AURKA: variants seen among roughly 807,000 people sequenced by gnomAD.
AURKA encodes aurora kinase A.
A neutral mutation model predicts 40.9 loss-of-function variants in AURKA; 12 were observed. That is an observed-to-expected ratio of 0.29 (90% CI 0.19 to 0.48). The LOEUF (loss-of-function observed/expected upper bound fraction) is 0.48. Among genes scored for constraint, AURKA ranks in the 20% least tolerant of loss-of-function variants. The pLI is 0.99. For synonymous variants in AURKA, 170 were observed against 164.3 expected (o/e 1.03, Z -0.26); for missense variants, 322 against 462.1 (o/e 0.70, Z 2.78).
At position 56,380,246 on chromosome 20, in the gene AURKA, T is replaced by C. The variant is rs543889726; in HGVS notation, c.705+1187A>G. ...GGTGGGTGCCTGTACTTCCAGCTACTTGGGAGGCTGAGGCAGAAGAATCGC... is the reference window on the plus strand; with the variant it reads ...GGTGGGTGCCTGTACTTCCAGCTACCTGGGAGGCTGAGGCAGAAGAATCGC... On this transcript the variant is annotated intron_variant, in intron 6 of 8. Coordinates refer to ENST00000395915, the MANE Select transcript of AURKA (RefSeq NM_198437.3). 2.1e-3 allele frequency among the ~76,000 whole-genome samples: 316 copies of C among 150,912 alleles called. 3 individuals are homozygous for C. The highest frequency in any genetic ancestry group is 3.9e-3 in the Non-Finnish European group (261 of 67,766).
At chr20:56,374,804 T>G (rs1385004911) in intron 6 of AURKA, among the ~76,000 whole-genome samples, 1 of 152,256 alleles carries the variant, frequency 6.6e-6, no homozygotes, top group African/African-American at 2.4e-5. Context: ...TCCCAGCACT[T>G]TGGGAGGCCA....
Position 56,386,494 on chromosome 20 carries a change from T to C in AURKA, c.82A>G (p.Thr28Ala). ...GGATTCTGACAAGGAAATTGCTGAG[T>C]CACGAGAACACGTTTTGGACCTCCA... ...PVGGPKRVLV[T>A]QQFPCQNPLP... Residue 28 changes from threonine (T) to alanine (A), a missense_variant, in exon 3 of 9, where the codon ACT (threonine) becomes GCT (alanine). Coordinates refer to ENST00000395915, the MANE Select transcript of AURKA (RefSeq NM_198437.3). 1.2e-6 allele frequency: 2 copies of C among 1,614,170 alleles called. No individual in the cohort carries two copies. The highest frequency in any genetic ancestry group is 1.7e-6 in the Non-Finnish European group (2 of 1,180,026).
At chr20:56,377,241 C>T (rs1322005646) in intron 6 of AURKA, among the ~76,000 whole-genome samples, 5 of 152,200 alleles carry the variant, frequency 3.3e-5, no homozygotes, top group Non-Finnish European at 2.9e-5. Flanking sequence ...CGCACCACTG[C>T]ACCCCAGCCT....
intron 3 of AURKA, among the ~76,000 whole-genome samples, chr20:56,385,124 C>T (rs992259611): frequency 6.6e-6 from 1 of 152,198 alleles, no homozygotes; most frequent in African/African-American, 2.4e-5. Context: ...AATGAGTCTG[C>T]ATCGTAAATG....
Position 56,370,064 on chromosome 20 carries a change from G to A in AURKA, c.*94C>T, listed in dbSNP as rs1983901513. On this transcript the variant is annotated 3_prime_UTR_variant, in exon 9 of 9. Coordinates refer to ENST00000395915, the MANE Select transcript of AURKA (RefSeq NM_198437.3). ...TTTCTTGTGTAGCGTTCTAGATTGA[G>A]GGCAGCAGTCAATGGTAAAATAAAC... is the stretch of plus-strand genomic sequence containing the variant. The A allele has an allele frequency of 6.8e-7, 1 of 1,461,004 alleles. No individual in the cohort carries two copies. Among genetic ancestry groups the A allele is most frequent in the Non-Finnish European group, 9.6e-7 (1 of 1,044,414 alleles). The allele number at this position is 1,461,004 out of a possible 1,614,324, so 90.5% of individuals were successfully genotyped here.
At chr20:56,377,423 CA>C (rs747877845) in intron 6 of AURKA, among the ~76,000 whole-genome samples, 83 of 144,094 alleles carry the variant, frequency 5.8e-4, no homozygotes, top group Admixed American at 2.2e-3. Context: ...ACTCAAAACT[CA>C]AAAAAAAAAA....
chr20:56,371,451 ACT>A (rs1218132205), intron 7 of AURKA, among the ~76,000 whole-genome samples: 2 of 146,116 alleles, frequency 1.4e-5, no homozygotes, highest in East Asian at 2.2e-4. Context: ...ACAGAGCGAG[ACT>A]CTGTCTCAAA....
Position 56,386,328 on chromosome 20 carries a change from C to T in AURKA, c.248G>A (p.Ser83Asn). ...NQKQKQLQAT[S>N]VPHPVSRPLN... ...TGGCCTGGAGACAGGATGAGGTACA[C>T]TGGTTGCCTGCAATTGCTTCTGCTT... Residue 83 changes from serine (S) to asparagine (N), a missense_variant, in exon 3 of 9, where the codon AGT becomes AAT. Coordinates refer to ENST00000395915, the MANE Select transcript of AURKA (RefSeq NM_198437.3). The T allele has an allele frequency of 3.1e-6, 5 of 1,614,212 alleles. No individual in the cohort carries two copies. Among genetic ancestry groups the T allele is most frequent in the Non-Finnish European group, 4.2e-6 (5 of 1,180,036 alleles).
chr20:56,374,853 G>T (rs1342659473), intron 6 of AURKA, among the ~76,000 whole-genome samples: 1 of 152,150 alleles, frequency 6.6e-6, no homozygotes, highest in Non-Finnish European at 1.5e-5. Flanking sequence ...TTCGAGACCG[G>T]CCTGACCAAC....
intron 7 of AURKA, among the ~76,000 whole-genome samples, chr20:56,371,251 A>G (rs1216670945): frequency 6.6e-6 from 1 of 152,118 alleles, no homozygotes; most frequent in Non-Finnish European, 1.5e-5. Context: ...TCACGAGGTC[A>G]GGAGATCGAG....
intron 7 of AURKA, among the ~76,000 whole-genome samples, chr20:56,371,998 G>T (rs555740055): frequency 6.6e-6 from 1 of 152,218 alleles, no homozygotes; most frequent in Non-Finnish European, 1.5e-5. Flanking sequence ...GCACTGTATA[G>T]ACAGGTATGC....
rs776745249 is a variant in AURKA, at chr20:56,386,208, C to G, written c.319+49G>C. ...CAAGTATATACACTGGCTTTTTTAG[C>G]AACGACGACAAAGAAGGACTATCCA... On this transcript the variant is annotated intron_variant, in intron 3 of 8. Transcript: ENST00000395915. The G allele has an allele frequency of 4.3e-6, 7 of 1,611,562 alleles. No individual in the cohort carries two copies. In the East Asian group the frequency reaches 1.6e-4, roughly 36 times the overall value.
chr20:56,387,543 G>C (rs1342120778), intron 2 of AURKA, among the ~76,000 whole-genome samples: 2 of 152,192 alleles, frequency 1.3e-5, no homozygotes, highest in African/African-American at 2.4e-5. Flanking sequence ...CAAACTAAAA[G>C]GGGTAGGAGG....
rs773030955 is a variant in AURKA at position 56,388,213 on chromosome 20, A to T, written c.-5-11T>A. On this transcript the variant is annotated splice_polypyrimidine_tract_variant and intron_variant, in intron 1 of 8. Transcript: ENST00000395915. ...ATCGGTCCATGATGCCTGAAAAGAA[A>T]AAGAAGAACCTTTAATTTGAACAAA... is the stretch of plus-strand genomic sequence containing the variant. 2 of 1,038,416 alleles carry T rather than the reference A, an allele frequency of 1.9e-6. No homozygotes were observed. The highest frequency in any genetic ancestry group is 4.7e-5 in the South Asian group (2 of 42,696). The allele number at this position is 1,038,416 out of a possible 1,614,324, so 64.3% of individuals were successfully genotyped here. A position where few individuals can be genotyped will look rare whatever the true frequency, so the allele number is the denominator to read the frequency against.
At position 56,369,883 on chromosome 20, in the gene AURKA, C is replaced by A. The variant is rs565441568; in HGVS notation, c.*275G>T. Reference sequence around the variant, plus strand: ...GTGAAGACACCATGCCTAGCACAGGCTGACGGGGCGGCTGCAGTCGAACCT... The same window carrying A: ...GTGAAGACACCATGCCTAGCACAGGATGACGGGGCGGCTGCAGTCGAACCT... On this transcript the variant is annotated 3_prime_UTR_variant, in exon 9 of 9. Transcript: ENST00000395915. 244 of 526,764 alleles carry A rather than the reference C, an allele frequency of 4.6e-4. No individual in the cohort carries two copies. Among genetic ancestry groups the A allele is most frequent in the Non-Finnish European group, 7.7e-4 (223 of 289,786 alleles). 32.6% of individuals were successfully genotyped at this position (526,764 alleles called of 1,614,324 possible).
At chr20:56,379,879 C>G (rs917165821) in intron 6 of AURKA, among the ~76,000 whole-genome samples, 4 of 151,410 alleles carry the variant, frequency 2.6e-5, no homozygotes, top group South Asian at 2.1e-4. Flanking sequence ...AGGAGAATCG[C>G]TTGAACCCAG....
At position 56,369,392 on chromosome 20, in the gene AURKA, CATAG is replaced by C. The variant is rs566173582; in HGVS notation, c.*762_*765del. On this transcript the variant is annotated 3_prime_UTR_variant, in exon 9 of 9. Transcript: ENST00000395915. ...AGAATTACACAGCACTCCACACAGA[CATAG>C]ATACTTATTTATTTGCATATTTAAA... 102 of 227,922 alleles carry C rather than the reference CATAG, an allele frequency of 4.5e-4. No homozygotes were observed. The highest frequency in any genetic ancestry group is 2.1e-3 in the African/African-American group (96 of 45,052). The allele number at this position is 227,922 out of a possible 1,614,324, so 14.1% of individuals were successfully genotyped here.
chr20:56,389,548 C>T (rs919067816), intron 1 of AURKA, among the ~76,000 whole-genome samples: 1 of 152,174 alleles, frequency 6.6e-6, no homozygotes, highest in Non-Finnish European at 1.5e-5. Context: ...GTACCATCTA[C>T]AGGCTGAGGA....
At chr20:56,376,393 T>A (rs1385799765) in intron 6 of AURKA, among the ~76,000 whole-genome samples, 1 of 152,238 alleles carries the variant, frequency 6.6e-6, no homozygotes, top group Non-Finnish European at 1.5e-5. Flanking sequence ...ATTAGAGATC[T>A]ATTTCTACTT....
Sources: gnomAD v4.1 joint callset for allele counts (sites outside exome capture counted in the v4.1 genomes callset) on GRCh38, gnomAD v4.1.1 for gene constraint, MANE v1.5 for transcripts, NCBI Gene and HGNC (gene_info 2026-07-23, HGNC 2026-07-21) for gene names.